MTF1: variants seen among roughly 807,000 people sequenced by gnomAD.
MTF1 encodes metal regulatory transcription factor 1.
A neutral mutation model predicts 70.4 loss-of-function variants in MTF1; 22 were observed. The observed-to-expected ratio is 0.31, with a 90% CI of 0.22 to 0.45. MTF1 has a LOEUF of 0.45. Among genes scored for constraint, MTF1 ranks in the 20% least tolerant of loss-of-function variants. The pLI is 1.00. For synonymous variants in MTF1, 333 were observed against 352.8 expected (o/e 0.94, Z 0.63); for missense variants, 649 against 922.0 (o/e 0.70, Z 3.83).
At chr1:37,822,017 G>A (rs1038031824) in intron 9 of MTF1, 104 bp downstream of exon 9, 27 of 860,878 alleles carry the variant, frequency 3.1e-5, no homozygotes, top group Middle Eastern at 2.9e-4. Context: ...CATGTTTCAC[G>A]GTGGATATGA....
chr1:37,832,382 A>G, intron 6 of MTF1, 60 bp from the exon 7 acceptor site: 1 of 1,055,352 alleles, frequency 9.5e-7, no homozygotes, highest in East Asian at 2.4e-5. Context: ...GTGGCATATC[A>G]TGTAACAAAA....
intron 7 of MTF1, among the ~76,000 whole-genome samples, chr1:37,830,634 G>C (rs185676299): frequency 6.6e-6 from 1 of 152,182 alleles, no homozygotes; most frequent in Non-Finnish European, 1.5e-5. Context: ...TTCTTCACGT[G>C]TTTACTAATT....
intron 6 of MTF1, among the ~76,000 whole-genome samples, chr1:37,832,723 G>T (rs1210979218): frequency 1.3e-5 from 2 of 152,082 alleles, no homozygotes; most frequent in Admixed American, 1.3e-4. Flanking sequence ...AAGAGTTTTA[G>T]AGGCTGAGAG....
intron 5 of MTF1, 24 bp downstream of exon 5, chr1:37,835,647 A>C (rs1641156762): frequency 6.2e-7 from 1 of 1,604,548 alleles, no homozygotes; most frequent in African/African-American, 1.3e-5. Flanking sequence ...AGGCTTGATG[A>C]AACAAAAATT....
intron 7 of MTF1, among the ~76,000 whole-genome samples, chr1:37,826,341 C>G (rs1174774361): frequency 1.3e-5 from 2 of 152,118 alleles, no homozygotes; most frequent in African/African-American, 4.8e-5. Flanking sequence ...GGCGGGAGTG[C>G]AGAGGCGCAG....
chr1:37,851,859 T>TA (rs374629951), intron 2 of MTF1, among the ~76,000 whole-genome samples: 292 of 136,850 alleles, frequency 2.1e-3, no homozygotes, highest in East Asian at 4.9e-3. Context: ...CAAACTTATT[T>TA]AAAAAAAAAA....
In MTF1 at chr1:37,815,096, G is replaced by C. The variant is rs1422313595; in HGVS notation, c.*40C>G. On this transcript the variant is annotated 3_prime_UTR_variant, in exon 11 of 11. Transcript: ENST00000373036. The surrounding 1 kb of genome is among the most constrained non-coding windows in gnomAD (Gnocchi z 4.5). ...GCAGGCATTGTACCTCATGCCTCCT[G>C]CTCACCCGCTTTTCCCAGAGGTGAG... 2 of 1,574,436 alleles carry C rather than the reference G, an allele frequency of 1.3e-6. No homozygotes were observed. The highest frequency in any genetic ancestry group is 1.7e-6 in the Non-Finnish European group (2 of 1,149,364).
intron 2 of MTF1, among the ~76,000 whole-genome samples, chr1:37,854,142 G>A (rs975763181): frequency 1.3e-5 from 2 of 152,148 alleles, no homozygotes; most frequent in Non-Finnish European, 2.9e-5. Context: ...AGAGTAGCTG[G>A]GATTACAGGC....
intron 7 of MTF1, among the ~76,000 whole-genome samples, chr1:37,831,464 T>C (rs1477227845): frequency 1.3e-5 from 2 of 152,206 alleles, no homozygotes; most frequent in African/African-American, 4.8e-5. Flanking sequence ...TCACAGAAAA[T>C]CTAGCCTATG....
At chr1:37,830,463 T>C (rs1641069619) in intron 7 of MTF1, among the ~76,000 whole-genome samples, 2 of 152,220 alleles carry the variant, frequency 1.3e-5, no homozygotes, top group South Asian at 4.1e-4. Context: ...AGCATATTCC[T>C]TTATGTCCTT....
Position 37,815,103 on chromosome 1 carries a change from C to G in MTF1, c.*33G>C. On this transcript the variant is annotated 3_prime_UTR_variant, in exon 11 of 11. Coordinates refer to ENST00000373036, the MANE Select transcript of MTF1 (RefSeq NM_005955.3). The surrounding 1 kb of genome is among the most constrained non-coding windows in gnomAD (Gnocchi z 4.5). ...TTGTACCTCATGCCTCCTGCTCACC[C>G]GCTTTTCCCAGAGGTGAGCACACAT... The G allele has an allele frequency of 6.3e-7, 1 of 1,590,410 alleles. No individual in the cohort carries two copies. The highest frequency in any genetic ancestry group is 1.1e-5 in the South Asian group (1 of 89,842).
At position 37,857,671 on chromosome 1, in the gene MTF1, C is replaced by T; in HGVS notation, c.-13G>A. The T allele has an allele frequency of 6.2e-7, 1 of 1,611,836 alleles. No homozygotes were observed. Among genetic ancestry groups the T allele is most frequent in the Non-Finnish European group, 8.5e-7 (1 of 1,178,738 alleles). On this transcript the variant is annotated 5_prime_UTR_variant, in exon 2 of 11. Coordinates refer to ENST00000373036, the MANE Select transcript of MTF1 (RefSeq NM_005955.3). ...TGTGTTCCCCCATGGTTCAGTTGTG[C>T]TCAGCCCAGTTGTGAGAAATGAAAA... is the stretch of plus-strand genomic sequence containing the variant.
At chr1:37,854,979 A>G (rs1015159090) in intron 2 of MTF1, among the ~76,000 whole-genome samples, 11 of 152,180 alleles carry the variant, frequency 7.2e-5, no homozygotes, top group Non-Finnish European at 1.5e-4. Context: ...GAATCGCTTG[A>G]ACCTGGGAGG....
intron 1 of MTF1, 123 bp downstream of exon 1, chr1:37,859,408 A>G (rs958158337): frequency 1.0e-5 from 4 of 397,824 alleles, no homozygotes; most frequent in Non-Finnish European, 1.8e-5. Flanking sequence ...GAAACGGAGA[A>G]GGGGTGGGGT....
chr1:37,845,829 G>A (rs1009726854), intron 2 of MTF1, among the ~76,000 whole-genome samples: 1 of 152,116 alleles, frequency 6.6e-6, no homozygotes, highest in African/African-American at 2.4e-5. Flanking sequence ...ATTTAAAAGT[G>A]GGGGAGACAG....
intron 2 of MTF1, among the ~76,000 whole-genome samples, chr1:37,853,330 CCTT>C (rs1641444348): frequency 6.6e-6 from 1 of 152,234 alleles, no homozygotes; most frequent in African/African-American, 2.4e-5. Flanking sequence ...ATCCTTATCT[CCTT>C]CTACTACTAT....
intron 9 of MTF1, among the ~76,000 whole-genome samples, chr1:37,820,975 T>G (rs1454931350): frequency 6.6e-6 from 1 of 152,002 alleles, no homozygotes; most frequent in Non-Finnish European, 1.5e-5. Context: ...GTCTAGGAGT[T>G]CAAGACCAGT....
At chr1:37,852,226 C>G (rs1178152014) in intron 2 of MTF1, among the ~76,000 whole-genome samples, 44 of 152,172 alleles carry the variant, frequency 2.9e-4, no homozygotes, top group Admixed American at 2.9e-3. Context: ...TTTGAAGGCC[C>G]CTTTCTACTA....
Position 37,815,319 on chromosome 1 carries a change from G to C in MTF1, c.2079C>G (p.Ser693=). Residue 693 remains serine, a synonymous_variant, in exon 11 of 11, where the codon TCC becomes TCG. Transcript: ENST00000373036. The surrounding 1 kb of genome is among the most constrained non-coding windows in gnomAD (Gnocchi z 4.5). The part of the protein sequence containing the change: ...VPGSSSSTLP[S]SCEQSRQAET... ...CTGCTTGTCGGCTTTGCTCACAGGA[G>C]GAGGGCAAGGTAGAGGATGATGACC... is the stretch of plus-strand genomic sequence containing the variant. 1 of 1,614,114 alleles carries C rather than the reference G, an allele frequency of 6.2e-7. No homozygotes were observed. Among genetic ancestry groups the C allele is most frequent in the Non-Finnish European group, 8.5e-7 (1 of 1,180,044 alleles).
Sources: allele counts gnomAD v4.1 joint callset (sites outside exome capture counted in the v4.1 genomes callset), GRCh38; gene constraint gnomAD v4.1.1; non-coding constraint Gnocchi (gnomAD v3.1); transcripts MANE v1.5; gene names NCBI Gene and HGNC (gene_info 2026-07-23, HGNC 2026-07-21).